PIP4K2A: variants seen among roughly 807,000 people sequenced by gnomAD.
PIP4K2A encodes phosphatidylinositol-5-phosphate 4-kinase type 2 alpha.
Under a neutral mutation model 42.9 loss-of-function variants are expected in PIP4K2A, and 14 were observed. The observed-to-expected ratio is 0.33, with a 90% CI of 0.22 to 0.51. PIP4K2A has a LOEUF of 0.51. Among genes scored for constraint, PIP4K2A ranks in the 20% least tolerant of loss-of-function variants. The pLI is 0.97. For missense variants in PIP4K2A, 434 were observed against 519.8 expected (o/e 0.83, Z 1.61); for synonymous variants, 192 against 192.2 (o/e 1.00, Z 0.01).
chr10:22,621,864 C>G (rs979182654), intron 1 of PIP4K2A, among the ~76,000 whole-genome samples: 25 of 152,212 alleles, frequency 1.6e-4, no homozygotes, highest in African/African-American at 5.5e-4. Context: ...TTCTGTTACA[C>G]CAGAACTTTT....
chr10:22,568,059 C>T (rs748448886), intron 5 of PIP4K2A, among the ~76,000 whole-genome samples, 170 bp from the exon 6 acceptor site: 9 of 152,252 alleles, frequency 5.9e-5, no homozygotes, highest in African/African-American at 1.4e-4. Flanking sequence ...GCTCTCTGTC[C>T]GGCCTGTGTC....
At position 22,675,294 on chromosome 10, in the gene PIP4K2A, T is replaced by C. The variant is rs183683182; in HGVS notation, c.144+38889A>G. Reference sequence around the variant, plus strand: ...TACTTTTGCTTTATCTCTTAGAACATTGTTGAGGAGAAGCCAGGCACGGTG... The same window carrying C: ...TACTTTTGCTTTATCTCTTAGAACACTGTTGAGGAGAAGCCAGGCACGGTG... On this transcript the variant is annotated intron_variant, in intron 1 of 9. Transcript: ENST00000376573. Among the ~76,000 whole-genome samples, 456 of 152,184 alleles carry C rather than the reference T, an allele frequency of 3.0e-3. 6 individuals carry two copies. The highest frequency in any genetic ancestry group is 8.6e-3 in the African/African-American group (356 of 41,520).
chr10:22,609,570 G>C, intron 2 of PIP4K2A, 50 bp downstream of exon 2: 1 of 1,008,424 alleles, frequency 9.9e-7, no homozygotes, highest in South Asian at 1.3e-5. Context: ...CACAAAACTT[G>C]TACTCCTAGC....
At chr10:22,628,173 A>G (rs1838484819) in intron 1 of PIP4K2A, among the ~76,000 whole-genome samples, 1 of 152,354 alleles carries the variant, frequency 6.6e-6, no homozygotes, top group Non-Finnish European at 1.5e-5. Flanking sequence ...CAAAGTTTAG[A>G]CTGATTAAAC....
chr10:22,675,511 G>A (rs1036809248), intron 1 of PIP4K2A, among the ~76,000 whole-genome samples: 1 of 152,142 alleles, frequency 6.6e-6, no homozygotes, highest in African/African-American at 2.4e-5. Flanking sequence ...GCTTGAACCC[G>A]GGAGGTGGAG....
chr10:22,663,284 CG>C (rs1451672426), intron 1 of PIP4K2A, among the ~76,000 whole-genome samples: 1 of 152,172 alleles, frequency 6.6e-6, no homozygotes, highest in Admixed American at 6.5e-5. Context: ...GGTAGTAAAT[CG>C]AGGCTTAGTT....
chr10:22,582,140 C>T (rs72816829), intron 4 of PIP4K2A, among the ~76,000 whole-genome samples: 1,893 of 151,718 alleles, frequency 0.012, 24 homozygotes, highest in Middle Eastern at 0.065. Flanking sequence ...TAAATGATGT[C>T]GTCAACAAAG....
chr10:22,668,654 C>T (rs45620939), intron 1 of PIP4K2A, among the ~76,000 whole-genome samples: 17,103 of 152,126 alleles, frequency 0.11, 1,064 homozygotes, highest in Middle Eastern at 0.21. Flanking sequence ...AACTAGTCTG[C>T]AAAATTCTAT....
At chr10:22,618,198 C>T (rs1400055815) in intron 1 of PIP4K2A, among the ~76,000 whole-genome samples, 1 of 152,214 alleles carries the variant, frequency 6.6e-6, no homozygotes, top group African/African-American at 2.4e-5. Flanking sequence ...TCTCTCCTCT[C>T]TTTCCCCACA....
chr10:22,677,258 AC>A (rs1389031513), intron 1 of PIP4K2A, among the ~76,000 whole-genome samples: 1 of 152,120 alleles, frequency 6.6e-6, no homozygotes, highest in African/African-American at 2.4e-5. Context: ...ACCAGGCCCT[AC>A]CCCTTCTGGA....
intron 1 of PIP4K2A, among the ~76,000 whole-genome samples, chr10:22,706,131 A>C (rs1483360200): frequency 6.6e-6 from 1 of 152,062 alleles, no homozygotes; most frequent in Non-Finnish European, 1.5e-5. Flanking sequence ...TCCACCCACA[A>C]CACCTGGGGA....
intron 1 of PIP4K2A, among the ~76,000 whole-genome samples, chr10:22,708,994 G>A (rs913307219): frequency 1.3e-5 from 2 of 152,102 alleles, no homozygotes; most frequent in East Asian, 1.9e-4. Flanking sequence ...ATGCTGCCCA[G>A]GCTGGTCTCA....
chr10:22,558,577 A>C (rs1836610052), intron 6 of PIP4K2A, among the ~76,000 whole-genome samples: 1 of 152,232 alleles, frequency 6.6e-6, no homozygotes, highest in South Asian at 2.1e-4. Flanking sequence ...GTGGTTTTGC[A>C]CAAATAGTAC....
chr10:22,603,414 G>A (rs1203373380), intron 3 of PIP4K2A, among the ~76,000 whole-genome samples: 2 of 152,042 alleles, frequency 1.3e-5, no homozygotes, highest in South Asian at 2.1e-4. Flanking sequence ...GCTGTTTAAT[G>A]TTCTTCATGA....
chr10:22,702,774 C>T (rs1833740234), intron 1 of PIP4K2A, among the ~76,000 whole-genome samples: 1 of 152,126 alleles, frequency 6.6e-6, no homozygotes, highest in African/African-American at 2.4e-5. Context: ...TGGTATACCA[C>T]CTGAGAACTA....
chr10:22,713,707 C>A (rs1391910097), intron 1 of PIP4K2A, among the ~76,000 whole-genome samples: 1 of 152,170 alleles, frequency 6.6e-6, no homozygotes. Context: ...GAGGCTCGCA[C>A]GCGCCCAGCC....
intron 1 of PIP4K2A, among the ~76,000 whole-genome samples, chr10:22,636,638 A>G (rs76834966): frequency 0.021 from 3,193 of 152,336 alleles, 112 homozygotes; most frequent in African/African-American, 0.073. Context: ...GAAAGTTTAC[A>G]GCCTAGGACA....
intron 4 of PIP4K2A, among the ~76,000 whole-genome samples, chr10:22,581,780 C>T (rs942268848): frequency 6.6e-6 from 1 of 152,030 alleles, no homozygotes; most frequent in East Asian, 1.9e-4. Context: ...GCATTTCCAA[C>T]ACTAACAGTT....
At chr10:22,647,960 G>C (rs1838916858) in intron 1 of PIP4K2A, among the ~76,000 whole-genome samples, 2 of 152,158 alleles carry the variant, frequency 1.3e-5, no homozygotes, top group African/African-American at 2.4e-5. Flanking sequence ...ATAAAACATC[G>C]ACAACATCTC....
Sources: gnomAD v4.1 joint callset for allele counts (sites outside exome capture counted in the v4.1 genomes callset) on GRCh38, gnomAD v4.1.1 for gene constraint, MANE v1.5 for transcripts, NCBI Gene and HGNC (gene_info 2026-07-23, HGNC 2026-07-21) for gene names.